ANKRD30B: variants seen among roughly 807,000 people sequenced by gnomAD.
ANKRD30B encodes ankyrin repeat domain 30B.
ANKRD30B carries 144 observed loss-of-function variants against 202.2 expected under a neutral mutation model. The observed-to-expected ratio is 0.71, with a 90% CI of 0.62 to 0.82. The LOEUF (loss-of-function observed/expected upper bound fraction) is 0.82, where lower values mean the gene tolerates loss of function less well. Ranked by LOEUF, ANKRD30B falls within the 40% of genes least tolerant of loss-of-function variation. ANKRD30B has a pLI of 0.00. For synonymous variants in ANKRD30B, 508 were observed against 561.3 expected, an observed-to-expected ratio of 0.91 and a Z score of 1.34; for missense variants, 1,487 against 1,669.1, an observed-to-expected ratio of 0.89 and a Z score of 1.90.
intron 37 of ANKRD30B, among the ~76,000 whole-genome samples, chr18:14,841,537 A>G: frequency 6.6e-6 from 1 of 152,178 alleles, no homozygotes; most frequent in Non-Finnish European, 1.5e-5. Flanking sequence ...GGGAAAAAAG[A>G]GGTAAAGAAA....
chr18:14,867,081 C>T, the ANKRD30B span, among the ~76,000 whole-genome samples: 4 of 142,220 alleles, frequency 2.8e-5, no homozygotes, highest in Non-Finnish European at 6.0e-5. Flanking sequence ...GCGTTCACTG[C>T]CTGTGACAGG....
At chr18:14,901,805 C>T in the ANKRD30B span, among the ~76,000 whole-genome samples, 1 of 152,148 alleles carries the variant, frequency 6.6e-6, no homozygotes, top group Admixed American at 6.6e-5. Context: ...ATTGAGATGT[C>T]ATATTTTCAG....
At chr18:14,915,461 G>A in the ANKRD30B span, 4 of 152,198 alleles carry the variant, frequency 2.6e-5, no homozygotes, top group Admixed American at 1.3e-4. Flanking sequence ...ACCTTCTGGG[G>A]TTATCTTATC....
intron 16 of ANKRD30B, among the ~76,000 whole-genome samples, chr18:14,793,344 G>C (rs12970537): frequency 0.4 from 60,558 of 151,956 alleles, 13,461 homozygotes; most frequent in East Asian, 0.58. Flanking sequence ...TATTTGTAAT[G>C]TAATGATACA....
chr18:14,886,933 C>T, the ANKRD30B span, among the ~76,000 whole-genome samples: 1 of 152,132 alleles, frequency 6.6e-6, no homozygotes, highest in African/African-American at 2.4e-5. Context: ...TAGTTTTCTA[C>T]ATCCTGGTCG....
intron 10 of ANKRD30B, among the ~76,000 whole-genome samples, chr18:14,778,837 A>G (rs1437180782): frequency 6.6e-6 from 1 of 152,196 alleles, no homozygotes; most frequent in East Asian, 1.9e-4. Context: ...ATCTGGAAGA[A>G]GGGCCATTGG....
At chr18:14,767,241 C>T (rs770183865) in intron 7 of ANKRD30B, among the ~76,000 whole-genome samples, 4 of 152,132 alleles carry the variant, frequency 2.6e-5, no homozygotes, top group Non-Finnish European at 5.9e-5. Context: ...CAAACACACA[C>T]AAATAAGTAC....
chr18:14,877,214 G>A, the ANKRD30B span, among the ~76,000 whole-genome samples: 1 of 152,256 alleles, frequency 6.6e-6, no homozygotes, highest in Non-Finnish European at 1.5e-5. Context: ...TCTGCACCTT[G>A]TACTTTGCAG....
chr18:14,818,969 G>A (rs1314469358), intron 30 of ANKRD30B, among the ~76,000 whole-genome samples: 1 of 152,036 alleles, frequency 6.6e-6, no homozygotes, highest in South Asian at 2.1e-4. Flanking sequence ...CTAGTTTACA[G>A]TCCCACCAAC....
At chr18:14,906,096 G>C in the ANKRD30B span, among the ~76,000 whole-genome samples, 2 of 151,718 alleles carry the variant, frequency 1.3e-5, no homozygotes, top group African/African-American at 2.4e-5. Flanking sequence ...AATACTTTTA[G>C]CCCAAAGTAT....
At chr18:14,799,403 GA>G in intron 22 of ANKRD30B, 108 bp downstream of exon 22, 1 of 1,112,138 alleles carries the variant, frequency 9.0e-7, no homozygotes, top group Non-Finnish European at 1.2e-6. Context: ...AATTGGATGG[GA>G]AAATTTGATA....
At chr18:14,834,210 G>A (rs1164075641) in intron 34 of ANKRD30B, among the ~76,000 whole-genome samples, 3 of 152,012 alleles carry the variant, frequency 2.0e-5, no homozygotes. Flanking sequence ...TGTAAATTGT[G>A]AAGAGATATT....
intron 30 of ANKRD30B, among the ~76,000 whole-genome samples, chr18:14,818,432 A>G (rs895110921): frequency 6.6e-6 from 1 of 151,828 alleles, no homozygotes; most frequent in Admixed American, 6.6e-5. Flanking sequence ...ACATATGTAT[A>G]CATGTGCCAT....
chr18:14,894,496 G>T, the ANKRD30B span, among the ~76,000 whole-genome samples: 1 of 151,472 alleles, frequency 6.6e-6, no homozygotes, highest in Non-Finnish European at 1.5e-5. Context: ...AAGTTTTGAA[G>T]GGGTATATAT....
rs527897710 is a variant in ANKRD30B at position 14,788,314 on chromosome 18, G to T, written c.1734+1214G>T. On this transcript the variant is annotated intron_variant, in intron 15 of 43. Coordinates refer to ENST00000690538, the MANE Select transcript of ANKRD30B (RefSeq NM_001367607.2). ...TTCATGAACATGATTTGTTTTTCCT[G>T]CTCAGTAACCAAGTTAATGGCCACA... is the stretch of plus-strand genomic sequence containing the variant. Among the ~76,000 whole-genome samples the T allele has an allele frequency of 5.3e-5, 8 of 152,202 alleles. No individual in the cohort carries two copies. In the South Asian group the frequency reaches 1.7e-3, roughly 32 times the overall value.
Position 14,754,950 on chromosome 18 carries a change from G to C in ANKRD30B, c.562G>C (p.Val188Leu). ...CATACAGAAAAGAAGCAAGCAAACTGTGGAATTTTTACTAACAAAAAATGC... is the reference window on the plus strand; with the variant it reads ...CATACAGAAAAGAAGCAAGCAAACTCTGGAATTTTTACTAACAAAAAATGC... ...LAIQKRSKQT[V>L]EFLLTKNANA... is the part of the protein sequence containing the mutation. The change falls in exon 4 of 44, where the codon GTG becomes CTG. Residue 188 changes from valine (V) to leucine (L), a missense_variant. By Grantham distance (32) the Val-to-Leu change is conservative. Transcript: ENST00000690538. 1 of 1,558,098 alleles carries C rather than the reference G, an allele frequency of 6.4e-7. No individual in the cohort carries two copies. The highest frequency in any genetic ancestry group is 8.7e-7 in the Non-Finnish European group (1 of 1,150,638).
the ANKRD30B span, among the ~76,000 whole-genome samples, chr18:14,863,247 ACGT>A: frequency 1.1e-4 from 12 of 107,862 alleles, no homozygotes; most frequent in Admixed American, 5.2e-4. Context: ...GTGATCTTAA[ACGT>A]TGGTGGTGGG....
chr18:14,756,068 G>T (rs1400448688), intron 4 of ANKRD30B, among the ~76,000 whole-genome samples: 1 of 152,142 alleles, frequency 6.6e-6, no homozygotes, highest in African/African-American at 2.4e-5. Flanking sequence ...AGCACCTGTT[G>T]TTTCCTGACT....
chr18:14,818,244 A>T (rs574899962), intron 30 of ANKRD30B, among the ~76,000 whole-genome samples: 1 of 152,310 alleles, frequency 6.6e-6, no homozygotes, highest in South Asian at 2.1e-4. Context: ...GCAACAAAAT[A>T]ATAAAACTGT....
Sources: gnomAD v4.1 joint callset for allele counts (sites outside exome capture counted in the v4.1 genomes callset) on GRCh38, gnomAD v4.1.1 for gene constraint, MANE v1.5 for transcripts, NCBI Gene and HGNC (gene_info 2026-07-23, HGNC 2026-07-21) for gene names.